Variants in MYH13 observed in about 807,000 individuals in gnomAD.
MYH13 encodes the protein myosin-13.
MYH13 carries 177 observed loss-of-function variants against 232.1 expected under a neutral mutation model. The ratio of observed to expected loss-of-function variants is 0.76; its 90% CI spans 0.67 to 0.86. The LOEUF is 0.86. MYH13 is among the 40% of genes least tolerant of loss of function. MYH13 has a pLI of 0.00. For missense variants in MYH13, 2,246 were observed against 2,405.9 expected (o/e 0.93, Z 1.39); for synonymous variants, 884 against 923.5 (o/e 0.96, Z 0.78).
intron 11 of MYH13, 185 bp from the exon 12 acceptor site, chr17:10,350,879 G>GGAAAAAA: frequency 2.7e-6 from 2 of 739,592 alleles, no homozygotes; most frequent in African/African-American, 1.7e-5. Context: ...GTGGGTGGGT[G>GGAAAAAA]AAGACTATGG....
intron 38 of MYH13, 47 bp downstream of exon 38, chr17:10,303,347 G>C: frequency 6.2e-7 from 1 of 1,610,962 alleles, no homozygotes; most frequent in Non-Finnish European, 8.5e-7. Flanking sequence ...CTTCTGATGG[G>C]GCTTGGTCCA....
intron 3 of MYH13, 137 bp from the exon 4 acceptor site, chr17:10,362,640 A>G (rs1037987033): frequency 1.7e-6 from 2 of 1,188,034 alleles, no homozygotes; most frequent in Admixed American, 4.1e-5. Context: ...GATCATTTCC[A>G]TGCCCCAACA....
chr17:10,319,387 T>C (rs2142231102), intron 26 of MYH13, among the ~76,000 whole-genome samples: 1 of 152,072 alleles, frequency 6.6e-6, no homozygotes, highest in African/African-American at 2.4e-5. Context: ...CGGGCGCCTG[T>C]AGTCCCAGCT....
In MYH13 at chr17:10,355,855, T is replaced by A. The variant is rs2071745642; in HGVS notation, c.739-708A>T. Among the ~76,000 whole-genome samples, 2 of 92,226 alleles carry A rather than the reference T, an allele frequency of 2.2e-5. 1 individual carries two copies. Among genetic ancestry groups the A allele is most frequent in the African/African-American group, 8.3e-5 (2 of 24,142 alleles). The allele number at this position is 92,226 out of a possible 152,430, so 60.5% of individuals were successfully genotyped here. A position where few individuals can be genotyped will look rare whatever the true frequency, so the allele number is the denominator to read the frequency against. ...TTTTTTTTTTTTTTTTTTTTTTTTT[T>A]TTTTTTTTTTTTGCTTGTATCTTAA... On this transcript the variant is annotated intron_variant, in intron 8 of 40. Coordinates refer to ENST00000252172, the MANE Select transcript of MYH13 (RefSeq NM_003802.3).
Position 10,301,640 on chromosome 17 carries a change from C to A in MYH13, c.5731G>T (p.Ala1911Ser), listed in dbSNP as rs572120351. 1.9e-5 allele frequency: 30 copies of A among 1,614,104 alleles called. No individual in the cohort carries two copies. Among genetic ancestry groups the A allele is most frequent in the Admixed American group, 3.3e-5 (2 of 60,010 alleles). ...RRVQHELEEAAERADIAESQV... is the reference protein window; with the variant it reads ...RRVQHELEEASERADIAESQV... ...GACTCAGCGATGTCCGCCCTCTCCG[C>A]GGCCTCCTCTAGCTCATGCTGGACT... Residue 1911 changes from alanine to serine, a missense_variant, in exon 40 of 41, where the codon GCG becomes TCG. Transcript: ENST00000252172.
intron 8 of MYH13, among the ~76,000 whole-genome samples, chr17:10,355,695 C>G (rs567442304): frequency 1.3e-5 from 2 of 152,254 alleles, no homozygotes; most frequent in African/African-American, 4.8e-5. Flanking sequence ...CCCACAGGCT[C>G]CTTCTCCAGC....
intron 33 of MYH13, among the ~76,000 whole-genome samples, chr17:10,310,588 C>T (rs1267133458): frequency 6.6e-6 from 1 of 152,084 alleles, no homozygotes; most frequent in Non-Finnish European, 1.5e-5. Context: ...TTGAGGGTAT[C>T]TATTATAATA....
At chr17:10,363,241 G>A (rs577288714) in intron 3 of MYH13, among the ~76,000 whole-genome samples, 73 of 150,812 alleles carry the variant, frequency 4.8e-4, no homozygotes, top group South Asian at 1.9e-3. Flanking sequence ...GCGTGAATCC[G>A]GGAGGCGGAG....
intron 22 of MYH13, among the ~76,000 whole-genome samples, chr17:10,326,028 G>A (rs1907187032): frequency 6.6e-6 from 1 of 152,216 alleles, no homozygotes; most frequent in African/African-American, 2.4e-5. Context: ...GGAGGAGACT[G>A]GCAAGCCTGC....
At chr17:10,369,902 T>C (rs950194233) in intron 2 of MYH13, among the ~76,000 whole-genome samples, 2 of 152,246 alleles carry the variant, frequency 1.3e-5, no homozygotes, top group African/African-American at 2.4e-5. Flanking sequence ...TTGTTCTCCA[T>C]TTGAACAGCA....
chr17:10,332,793 C>T (rs921662286), intron 19 of MYH13, among the ~76,000 whole-genome samples: 1 of 152,150 alleles, frequency 6.6e-6, no homozygotes, highest in Non-Finnish European at 1.5e-5. Flanking sequence ...GCACAGCCTC[C>T]ACAATAAAGG....
chr17:10,322,630 G>GTTTT (rs769352001), intron 23 of MYH13, among the ~76,000 whole-genome samples: 67 of 107,570 alleles, frequency 6.2e-4, no homozygotes, highest in Non-Finnish European at 7.4e-4. Context: ...TGTTACAGTT[G>GTTTT]TTTTTTTTTT....
intron 16 of MYH13, among the ~76,000 whole-genome samples, chr17:10,342,298 A>T (rs960124234): frequency 1.9e-4 from 29 of 152,074 alleles, no homozygotes; most frequent in African/African-American, 6.5e-4. Context: ...GCCTCAAATG[A>T]TCCTTCTGCC....
chr17:10,309,225 C>T lies in MYH13; in HGVS notation c.5169+9G>A. On this transcript the variant is annotated intron_variant, in intron 35 of 40. Coordinates refer to ENST00000252172, the MANE Select transcript of MYH13 (RefSeq NM_003802.3). ...TGGACCTTCAGCGGAGGAGTGAGGG[C>T]CGACGCACCTGGGAGTGCAGGAGCT... is the stretch of plus-strand genomic sequence containing the variant. The T allele has an allele frequency of 6.2e-7, 1 of 1,611,298 alleles. No individual in the cohort carries two copies. Among genetic ancestry groups the T allele is most frequent in the Middle Eastern group, 1.8e-4 (1 of 5,690 alleles).
rs61543278 is a variant in MYH13, at chr17:10,326,981, GTTTTTTTTTTTTT to G, written c.2691+872_2691+884del. On this transcript the variant is annotated intron_variant, in intron 22 of 40. Transcript: ENST00000252172. The stretch of plus-strand genomic sequence containing the variant: ...GAGACATGCACCACCATGCCTACTA[GTTTTTTTTTTTTT>G]TTTTTTTTTTTTTTTTTTTTTTTTT... Among the ~76,000 whole-genome samples the G allele has an allele frequency of 3.8e-4, 21 of 55,828 alleles. 5 individuals are homozygous for G. Among genetic ancestry groups the G allele is most frequent in the Admixed American group, 8.6e-4 (3 of 3,492 alleles). The allele number at this position is 55,828 out of a possible 152,430, so 36.6% of individuals were successfully genotyped here.
chr17:10,301,463 A>G (rs1906086715), intron 40 of MYH13, 106 bp downstream of exon 40: 3 of 1,527,036 alleles, frequency 2.0e-6, no homozygotes, highest in African/African-American at 1.4e-5. Context: ...CATCTCAGGT[A>G]CCTGCCCTTA....
intron 33 of MYH13, among the ~76,000 whole-genome samples, 193 bp downstream of exon 33, chr17:10,310,910 G>T (rs1186717432): frequency 6.6e-6 from 1 of 152,138 alleles, no homozygotes. Flanking sequence ...TTTTCAAAGG[G>T]GAACTGTGCC....
intron 22 of MYH13, among the ~76,000 whole-genome samples, chr17:10,327,160 C>G (rs965519630): frequency 2.3e-5 from 3 of 130,182 alleles, no homozygotes; most frequent in Non-Finnish European, 4.9e-5. Context: ...CGCCACTACG[C>G]CCGGCTAATT....
At chr17:10,334,265 G>T (rs933402512) in intron 18 of MYH13, among the ~76,000 whole-genome samples, 1 of 152,166 alleles carries the variant, frequency 6.6e-6, no homozygotes, top group Non-Finnish European at 1.5e-5. Flanking sequence ...CCTTAGGGAA[G>T]CTTCTAGAAT....
Sources: allele counts gnomAD v4.1 joint callset (sites outside exome capture counted in the v4.1 genomes callset), GRCh38; gene constraint gnomAD v4.1.1; transcripts MANE v1.5; gene names NCBI Gene and HGNC (gene_info 2026-07-23, HGNC 2026-07-21).